KCNN2: variants seen among roughly 807,000 people sequenced by gnomAD.
The protein encoded by KCNN2 is small conductance calcium-activated potassium channel protein 2.
A neutral mutation model predicts 55.5 loss-of-function variants in KCNN2; 24 were observed. That is an observed-to-expected ratio of 0.43 (90% CI 0.31 to 0.61). KCNN2 has a LOEUF of 0.61. KCNN2 is among the 20% of genes least tolerant of loss of function. The pLI is 0.08. For synonymous variants in KCNN2, 431 were observed against 336.1 expected (o/e 1.28, Z -3.09); for missense variants, 754 against 853.6 (o/e 0.88, Z 1.45).
At chr5:114,237,093 A>G (rs1754513290) in intron 2 of KCNN2, among the ~76,000 whole-genome samples, 1 of 152,118 alleles carries the variant, frequency 6.6e-6, no homozygotes, top group Non-Finnish European at 1.5e-5. Context: ...TCTTGGGGAT[A>G]TATTTCTAAG....
intron 1 of KCNN2, among the ~76,000 whole-genome samples, chr5:114,061,110 A>T (rs1462020483): frequency 3.3e-5 from 5 of 152,232 alleles, no homozygotes; most frequent in Admixed American, 2.6e-4. Flanking sequence ...ACATTCCATA[A>T]ACAGTGATTG....
intron 1 of KCNN2, among the ~76,000 whole-genome samples, chr5:114,069,307 T>C (rs1272453048): frequency 1.3e-5 from 2 of 152,116 alleles, no homozygotes; most frequent in Non-Finnish European, 1.5e-5. Context: ...TGGGATTATG[T>C]TCACTACCAC....
chr5:114,084,119 T>G (rs1248874498), intron 1 of KCNN2, among the ~76,000 whole-genome samples: 1 of 152,140 alleles, frequency 6.6e-6, no homozygotes, highest in Non-Finnish European at 1.5e-5. Context: ...TTGGCAAATA[T>G]GAATAAAGCT....
At chr5:114,363,392 G>A (rs1250689486) in intron 1 of KCNN2, 131 bp downstream of exon 1, 3 of 1,189,298 alleles carry the variant, frequency 2.5e-6, no homozygotes, top group Admixed American at 5.8e-5. Flanking sequence ...CCAGGACAGC[G>A]GGCGCGTCTA....
At chr5:114,306,813 G>A (rs975108546) in intron 2 of KCNN2, among the ~76,000 whole-genome samples, 4 of 149,290 alleles carry the variant, frequency 2.7e-5, no homozygotes, top group Admixed American at 1.4e-4. Context: ...TGACTCTTCT[G>A]CCTCAGCCTC....
intron 1 of KCNN2, among the ~76,000 whole-genome samples, chr5:114,072,877 ACTTTT>A (rs763510224): frequency 5.6e-4 from 86 of 152,358 alleles, no homozygotes; most frequent in South Asian, 1.0e-3. Context: ...TAAAAGTAAC[ACTTTT>A]CTTTTGCTTA....
At chr5:114,483,713 C>CTGTGTGTGTG (rs3070952) in intron 5 of KCNN2, among the ~76,000 whole-genome samples, 47 of 148,342 alleles carry the variant, frequency 3.2e-4, no homozygotes, top group East Asian at 2.2e-3. Flanking sequence ...TATTTTTCAA[C>CTGTGTGTGTG]TGTGTGTGTG....
intron 1 of KCNN2, among the ~76,000 whole-genome samples, chr5:114,142,306 G>T (rs1263306025): frequency 6.6e-6 from 1 of 152,018 alleles, no homozygotes; most frequent in African/African-American, 2.4e-5. Context: ...ATTAATTTTT[G>T]TATAAGGTGT....
At chr5:114,133,548 G>C (rs1225649177) in intron 1 of KCNN2, among the ~76,000 whole-genome samples, 2 of 152,010 alleles carry the variant, frequency 1.3e-5, no homozygotes, top group African/African-American at 4.8e-5. Flanking sequence ...GTGCTGTGTT[G>C]GTCACTTCTC....
rs1475156975 is a variant in KCNN2 at position 114,462,331 on chromosome 5, C to A, written c.1638-718C>A. Among the ~76,000 whole-genome samples, 220 of 152,158 alleles carry A rather than the reference C, an allele frequency of 1.4e-3. 1 individual carries two copies. Among genetic ancestry groups the A allele is most frequent in the Non-Finnish European group, 2.5e-4 (17 of 68,024 alleles). On this transcript the variant is annotated intron_variant, in intron 3 of 7. Transcript: ENST00000673685. ...AAAGAATGATTAGGATACTTTGTATCCCTCTCCCTCTTTTCGACTGTAAGT... is the reference window on the plus strand; with the variant it reads ...AAAGAATGATTAGGATACTTTGTATACCTCTCCCTCTTTTCGACTGTAAGT...
At chr5:114,085,125 G>A (rs984155469) in intron 1 of KCNN2, among the ~76,000 whole-genome samples, 2 of 151,820 alleles carry the variant, frequency 1.3e-5, no homozygotes, top group African/African-American at 2.4e-5. Context: ...TAGCTTTAGA[G>A]TAAGTTTTGA....
At chr5:114,110,714 G>C (rs1346970715) in intron 1 of KCNN2, among the ~76,000 whole-genome samples, 1 of 151,902 alleles carries the variant, frequency 6.6e-6, no homozygotes, top group African/African-American at 2.4e-5. Context: ...GCCTTAGTTT[G>C]GGATTTTGAA....
chr5:114,225,959 A>C (rs1754230435), intron 2 of KCNN2, among the ~76,000 whole-genome samples: 1 of 152,222 alleles, frequency 6.6e-6, no homozygotes, highest in African/African-American at 2.4e-5. Flanking sequence ...AAATAAATCA[A>C]TAAAGCATGT....
At chr5:114,377,265 T>C (rs1757973848) in intron 2 of KCNN2, among the ~76,000 whole-genome samples, 1 of 152,078 alleles carries the variant, frequency 6.6e-6, no homozygotes, top group South Asian at 2.1e-4. Context: ...TGGGAACATC[T>C]GCTGTGTTTT....
intron 2 of KCNN2, among the ~76,000 whole-genome samples, chr5:114,230,254 G>A (rs1213335662): frequency 1.3e-5 from 2 of 150,254 alleles, no homozygotes; most frequent in African/African-American, 2.5e-5. Context: ...TAGACCCAAG[G>A]GGTAGTGATA....
At chr5:114,435,278 C>A (rs1759965308) in intron 3 of KCNN2, among the ~76,000 whole-genome samples, 2 of 152,094 alleles carry the variant, frequency 1.3e-5, no homozygotes, top group South Asian at 4.2e-4. Flanking sequence ...GGTTTTTGTT[C>A]CAAGTAAGCT....
At chr5:114,399,868 C>T (rs1758731128) in intron 2 of KCNN2, among the ~76,000 whole-genome samples, 1 of 147,582 alleles carries the variant, frequency 6.8e-6, no homozygotes, top group Non-Finnish European at 1.5e-5. Context: ...TCTATTTCCT[C>T]TAAGTTTTCT....
At chr5:114,186,818 A>T (rs905539387) in intron 1 of KCNN2, among the ~76,000 whole-genome samples, 1 of 152,184 alleles carries the variant, frequency 6.6e-6, no homozygotes, top group Non-Finnish European at 1.5e-5. Context: ...GAAGATGTTA[A>T]ATACCCTTCA....
intron 3 of KCNN2, among the ~76,000 whole-genome samples, chr5:114,411,293 G>A (rs1476156797): frequency 1.3e-5 from 2 of 152,012 alleles, no homozygotes; most frequent in African/African-American, 4.8e-5. Context: ...AAATGCAGTT[G>A]AAACATAATT....
Sources: allele counts gnomAD v4.1 joint callset (sites outside exome capture counted in the v4.1 genomes callset), GRCh38; gene constraint gnomAD v4.1.1; transcripts MANE v1.5; gene names NCBI Gene and HGNC (gene_info 2026-07-23, HGNC 2026-07-21).